The following MITF variants were observed in gnomAD, a reference collection of about 807,000 sequenced individuals.
MITF encodes the protein microphthalmia-associated transcription factor.
A neutral mutation model predicts 60.5 loss-of-function variants in MITF; 17 were observed. The ratio of observed to expected loss-of-function variants is 0.28; its 90% CI spans 0.19 to 0.42. The LOEUF (loss-of-function observed/expected upper bound fraction) is 0.42. Ranked by LOEUF, MITF falls within the 10% of genes least tolerant of loss-of-function variation. The pLI is 1.00. For missense variants in MITF, 622 were observed against 683.5 expected (o/e 0.91, Z 1.00); for synonymous variants, 260 against 248.5 (o/e 1.05, Z -0.43).
At chr3:69,841,702 T>C (rs983223788) in intron 1 of MITF, among the ~76,000 whole-genome samples, 2 of 152,204 alleles carry the variant, frequency 1.3e-5, no homozygotes, top group Admixed American at 6.5e-5. Flanking sequence ...TGTTAAATGA[T>C]TGAGTCAATT....
At chr3:69,776,191 G>A (rs1029636684) in intron 1 of MITF, among the ~76,000 whole-genome samples, 1 of 152,172 alleles carries the variant, frequency 6.6e-6, no homozygotes, top group African/African-American at 2.4e-5. Flanking sequence ...GTGACCCTGG[G>A]CCACTGAATT....
At chr3:69,792,250 G>A (rs2062752317) in intron 1 of MITF, among the ~76,000 whole-genome samples, 1 of 152,212 alleles carries the variant, frequency 6.6e-6, no homozygotes. Flanking sequence ...AGGGCCAGAT[G>A]TTTGGAGTTG....
chr3:69,797,465 A>G (rs373956854), intron 1 of MITF, among the ~76,000 whole-genome samples: 7 of 152,248 alleles, frequency 4.6e-5, no homozygotes, highest in African/African-American at 1.4e-4. Context: ...AAGATTTTCT[A>G]TTTTGGTGGA....
chr3:69,937,059 A>C (rs2065854287), intron 2 of MITF: 1 of 278,562 alleles, frequency 3.6e-6, no homozygotes. Flanking sequence ...CTTAAAATTG[A>C]ATAATGTTGT....
At chr3:69,928,803 A>T (rs2065650804) in intron 2 of MITF, among the ~76,000 whole-genome samples, 1 of 152,210 alleles carries the variant, frequency 6.6e-6, no homozygotes, top group African/African-American at 2.4e-5. Context: ...ATGGACTGCC[A>T]GCTTGGGGAC....
chr3:69,955,343 G>T (rs764481457), intron 7 of MITF, among the ~76,000 whole-genome samples: 2 of 152,016 alleles, frequency 1.3e-5, no homozygotes, highest in Non-Finnish European at 2.9e-5. Context: ...TAATATTTTG[G>T]ATATAATGGA....
intron 2 of MITF, among the ~76,000 whole-genome samples, chr3:69,894,674 G>GAAA (rs201815152): frequency 6.3e-5 from 7 of 111,564 alleles, no homozygotes; most frequent in African/African-American, 1.9e-4. Context: ...CAACAAGAGT[G>GAAA]AAAAAAAAAA....
chr3:69,938,607 G>A, intron 3 of MITF: 1 of 1,353,648 alleles, frequency 7.4e-7, no homozygotes, highest in African/African-American at 1.5e-5. Flanking sequence ...TAATAAAATT[G>A]CCACTGCCCG....
At chr3:69,781,721 T>A (rs80214323) in intron 1 of MITF, among the ~76,000 whole-genome samples, 38 of 152,296 alleles carry the variant, frequency 2.5e-4, no homozygotes, top group African/African-American at 8.9e-4. Context: ...TTTAACAAGA[T>A]CTCTGTTCCC....
At position 69,966,705 on chromosome 3, in the gene MITF, T is replaced by C. The variant is rs1180264557; in HGVS notation, c.*1457T>C. 4.3e-6 allele frequency: 1 copy of C among 232,946 alleles called. No individual in the cohort carries two copies. The highest frequency in any genetic ancestry group is 8.5e-6 in the Non-Finnish European group (1 of 117,686). 14.4% of individuals were successfully genotyped at this position (232,946 alleles called of 1,614,324 possible). A position where few individuals can be genotyped will look rare whatever the true frequency, so the allele number is the denominator to read the frequency against. On this transcript the variant is annotated 3_prime_UTR_variant, in exon 10 of 10. Coordinates refer to ENST00000352241, the MANE Select transcript of MITF (RefSeq NM_001354604.2). ...CCTATGCAATAACAGTAGTGTTACA[T>C]GTATCAAGCCTAGATGTTTTATACA...
intron 2 of MITF, among the ~76,000 whole-genome samples, chr3:69,936,429 G>GA (rs2065836187): frequency 6.6e-6 from 1 of 151,846 alleles, no homozygotes. Context: ...TTATATTTAT[G>GA]AAAAAAAGCA....
chr3:69,789,568 A>G (rs2062705761), intron 1 of MITF, among the ~76,000 whole-genome samples: 2 of 152,166 alleles, frequency 1.3e-5, no homozygotes, highest in African/African-American at 4.8e-5. Context: ...TACGGAAAGG[A>G]GCATAGAGGT....
chr3:69,926,940 C>T (rs2065605528), intron 2 of MITF, among the ~76,000 whole-genome samples: 1 of 152,168 alleles, frequency 6.6e-6, no homozygotes, highest in Non-Finnish European at 1.5e-5. Context: ...TAGAGGAATT[C>T]TGCCTGAATA....
chr3:69,849,495 G>T (rs2063790401), intron 1 of MITF, among the ~76,000 whole-genome samples: 1 of 152,216 alleles, frequency 6.6e-6, no homozygotes, highest in South Asian at 2.1e-4. Context: ...GTACATGCCA[G>T]GCATTAATCT....
chr3:69,878,798 T>G (rs1403730088), intron 1 of MITF, among the ~76,000 whole-genome samples: 1 of 152,142 alleles, frequency 6.6e-6, no homozygotes, highest in Non-Finnish European at 1.5e-5. Context: ...TGGGTGCCAT[T>G]AAGATGCTTT....
rs577997590 is a variant in MITF, at chr3:69,967,718, A to C, written c.*2470A>C. 4 of 232,876 alleles carry C rather than the reference A, an allele frequency of 1.7e-5. No homozygotes were observed. The highest frequency in any genetic ancestry group is 6.6e-5 in the African/African-American group (3 of 45,380). 14.4% of individuals were successfully genotyped at this position (232,876 alleles called of 1,614,324 possible). The stretch of plus-strand genomic sequence containing the variant: ...TGCAATCTTGGGGGTGGTTTTATTT[A>C]TTTCTTTTTTGCCAAATAGAGTGTG... On this transcript the variant is annotated 3_prime_UTR_variant, in exon 10 of 10. Transcript: ENST00000352241.
At chr3:69,797,098 A>G (rs1575728504) in intron 1 of MITF, among the ~76,000 whole-genome samples, 2 of 152,328 alleles carry the variant, frequency 1.3e-5, no homozygotes, top group Middle Eastern at 3.4e-3. Context: ...AGGGATTTGT[A>G]TCATAATTTA....
Position 69,835,580 on chromosome 3 carries a change from GTT to G in MITF, c.105-43551_105-43550del, listed in dbSNP as rs370010266. Among the ~76,000 whole-genome samples the G allele has an allele frequency of 8.3e-3, 1,256 of 152,208 alleles. 18 individuals are homozygous for G. The highest frequency in any genetic ancestry group is 0.029 in the African/African-American group (1,194 of 41,544). On this transcript the variant is annotated intron_variant, in intron 1 of 9. Coordinates refer to ENST00000352241, the MANE Select transcript of MITF (RefSeq NM_001354604.2). ...CAGTGTTGTGAAGCATTTTGCCTGT[GTT>G]TTCTTCTAGTAGAGTCATAGCTTTA...
At chr3:69,812,905 C>T (rs1409877992) in intron 1 of MITF, among the ~76,000 whole-genome samples, 2 of 151,536 alleles carry the variant, frequency 1.3e-5, no homozygotes, top group Non-Finnish European at 2.9e-5. Context: ...TAGGTCTTTC[C>T]AGCAGTAAAA....
Sources: allele counts gnomAD v4.1 joint callset (sites outside exome capture counted in the v4.1 genomes callset), GRCh38; gene constraint gnomAD v4.1.1; transcripts MANE v1.5; gene names NCBI Gene and HGNC (gene_info 2026-07-23, HGNC 2026-07-21).